Variants in ACSM1 observed in about 807,000 individuals in gnomAD.
ACSM1 encodes acyl-CoA synthetase medium chain family member 1.
ACSM1 carries 79 observed loss-of-function variants against 75.8 expected under a neutral mutation model. The ratio of observed to expected loss-of-function variants is 1.04; its 90% confidence interval spans 0.87 to 1.26. The LOEUF is 1.26. Among genes scored for constraint, ACSM1 ranks in the 50% most tolerant of loss-of-function variants. ACSM1 has a pLI of 0.00. For synonymous variants in ACSM1, 279 were observed against 265.8 expected, an observed-to-expected ratio of 1.05 and a Z score of -0.48; for missense variants, 676 against 720.1, an observed-to-expected ratio of 0.94 and a Z score of 0.70.
At chr16:20,643,274 C>A (rs542101590) in intron 7 of ACSM1, among the ~76,000 whole-genome samples, 35 of 152,312 alleles carry the variant, frequency 2.3e-4, no homozygotes, top group Non-Finnish European at 1.9e-4. Context: ...TGGTATTTAG[C>A]CCCGAATTCT....
chr16:20,637,285 G>A, intron 9 of ACSM1, 86 bp downstream of exon 9: 1 of 1,021,562 alleles, frequency 9.8e-7, no homozygotes, highest in South Asian at 1.3e-5. Flanking sequence ...GAGCAGGGAA[G>A]TGCGGCTGGT....
At position 20,685,295 on chromosome 16, in the gene ACSM1, C is replaced by A; in HGVS notation, c.301G>T (p.Val101Phe). 1 of 1,614,228 alleles carries A rather than the reference C, an allele frequency of 6.2e-7. No individual in the cohort carries two copies. Residue 101 changes from valine to phenylalanine, a missense_variant, in exon 3 of 14, where the codon GTC (valine) becomes TTC (phenylalanine). Physicochemically the swap from Val to Phe is conservative, Grantham distance 50 (BLOSUM62 -1). Coordinates refer to ENST00000520010, the MANE Select transcript of ACSM1 (RefSeq NM_001318890.3). ...MGDLTRRVAN[V>F]FTQTCGLQQG... ...TGTAGGCCACAGGTCTGTGTGAAGA[C>A]GTTGGCTACACGGCGGGTTAGGTCT...
chr16:20,654,976 T>C (rs549223192), intron 7 of ACSM1, among the ~76,000 whole-genome samples: 5 of 152,186 alleles, frequency 3.3e-5, no homozygotes, highest in South Asian at 2.1e-4. Context: ...CTATTCACAA[T>C]AGCAAAGACT....
At chr16:20,670,067 G>T in intron 5 of ACSM1, 81 bp from the exon 6 acceptor site, 1 of 1,390,206 alleles carries the variant, frequency 7.2e-7, no homozygotes, top group Non-Finnish European at 1.0e-6. Flanking sequence ...TTTTAGCTAC[G>T]AACCCACCTT....
chr16:20,661,761 C>G (rs766152268), intron 7 of ACSM1, 33 bp downstream of exon 7: 14 of 1,500,184 alleles, frequency 9.3e-6, no homozygotes, highest in Middle Eastern at 1.7e-4. Flanking sequence ...AAATCTTACC[C>G]AAAGATGTTG....
chr16:20,666,426 G>A (rs2019569582), intron 6 of ACSM1, among the ~76,000 whole-genome samples: 1 of 152,094 alleles, frequency 6.6e-6, no homozygotes, highest in Admixed American at 6.5e-5. Flanking sequence ...CCAAGGAGGT[G>A]AAAGATGGCT....
chr16:20,652,010 T>C (rs2018675218), intron 7 of ACSM1, among the ~76,000 whole-genome samples: 1 of 152,174 alleles, frequency 6.6e-6, no homozygotes, highest in Non-Finnish European at 1.5e-5. Flanking sequence ...TTATGAAATA[T>C]TGTTGGCTTA....
intron 7 of ACSM1, among the ~76,000 whole-genome samples, chr16:20,650,801 A>G (rs968185123): frequency 3.3e-5 from 5 of 152,170 alleles, no homozygotes; most frequent in Admixed American, 6.5e-5. Flanking sequence ...TGGAAGTAAT[A>G]TGGTCTTTGT....
At chr16:20,630,174 C>T (rs1157428541) in intron 10 of ACSM1, among the ~76,000 whole-genome samples, 2 of 149,662 alleles carry the variant, frequency 1.3e-5, no homozygotes, top group Non-Finnish European at 3.0e-5. Context: ...GGCTGGAGTG[C>T]AATGGCACGA....
chr16:20,688,782 G>A (rs2152330868), intron 2 of ACSM1, among the ~76,000 whole-genome samples: 1 of 152,018 alleles, frequency 6.6e-6, no homozygotes, highest in Non-Finnish European at 1.5e-5. Flanking sequence ...AGTCCTCAAG[G>A]TGAAATAAAA....
In ACSM1 at chr16:20,650,281, T is replaced by C. The variant is rs56029229; in HGVS notation, c.993-9697A>G. Among the ~76,000 whole-genome samples the C allele has an allele frequency of 7.9e-3, 1,197 of 152,232 alleles. 7 individuals carry two copies. Among genetic ancestry groups the C allele is most frequent in the African/African-American group, 0.017 (721 of 41,524 alleles). ...TGCATTTGCATGAGGAACTGAAGTG[T>C]CGTTTTCACAGATAAATGAGAGACT... is the stretch of plus-strand genomic sequence containing the variant. On this transcript the variant is annotated intron_variant, in intron 7 of 13. Coordinates refer to ENST00000520010, the MANE Select transcript of ACSM1 (RefSeq NM_001318890.3).
At chr16:20,689,867 G>C (rs1331678045) in intron 2 of ACSM1, among the ~76,000 whole-genome samples, 1 of 152,146 alleles carries the variant, frequency 6.6e-6, no homozygotes, top group Non-Finnish European at 1.5e-5. Context: ...ATAATGGATT[G>C]TGAAATCAGA....
At chr16:20,654,386 C>G (rs1479040490) in intron 7 of ACSM1, among the ~76,000 whole-genome samples, 1 of 152,062 alleles carries the variant, frequency 6.6e-6, no homozygotes, top group Non-Finnish European at 1.5e-5. Flanking sequence ...CAACAAAAAC[C>G]AAAATCGACA....
intron 3 of ACSM1, 119 bp from the exon 4 acceptor site, chr16:20,682,582 A>C: frequency 1.4e-6 from 1 of 703,738 alleles, no homozygotes. Context: ...AGGCCACAGA[A>C]CAACAGCAGC....
chr16:20,651,933 A>G (rs2152238799), intron 7 of ACSM1, among the ~76,000 whole-genome samples: 1 of 152,238 alleles, frequency 6.6e-6, no homozygotes, highest in Non-Finnish European at 1.5e-5. Flanking sequence ...AATACTATAA[A>G]ATTTGCCATA....
At chr16:20,673,011 TTA>T (rs1472995550) in intron 4 of ACSM1, among the ~76,000 whole-genome samples, 5 of 143,626 alleles carry the variant, frequency 3.5e-5, no homozygotes, top group Admixed American at 2.1e-4. Flanking sequence ...AAATATATAC[TTA>T]TATGTCATAT....
chr16:20,697,457 C>T (rs1003205530), intron 1 of ACSM1, among the ~76,000 whole-genome samples, 179 bp downstream of exon 1: 1 of 151,910 alleles, frequency 6.6e-6, no homozygotes, highest in African/African-American at 2.4e-5. Context: ...CCAATATCAC[C>T]ATTGTCATTT....
intron 7 of ACSM1, among the ~76,000 whole-genome samples, chr16:20,658,743 T>C (rs890801395): frequency 6.6e-6 from 1 of 152,178 alleles, no homozygotes; most frequent in Non-Finnish European, 1.5e-5. Context: ...GAGGAACAGG[T>C]GTTTCTTGCA....
In ACSM1 at chr16:20,624,213, C is replaced by T. The variant is rs1310793917; in HGVS notation, c.1530G>A (p.Val510=). 1.2e-6 allele frequency: 2 copies of T among 1,607,626 alleles called. No homozygotes were observed. The highest frequency in any genetic ancestry group is 2.7e-5 in the African/African-American group (2 of 74,792). The change falls in exon 13 of 14, where the codon GTG becomes GTA. Residue 510 remains valine (V), a splice_region_variant and synonymous_variant. Coordinates refer to ENST00000520010, the MANE Select transcript of ACSM1 (RefSeq NM_001318890.3). The stretch of plus-strand genomic sequence containing the variant: ...GGGTCAGGACAATAAAGGCCTTCAC[C>T]ACCTGCAGAATGAAGTCATGGGCTC... The part of the protein sequence containing the change: ...VGSPDPIRGE[V]VKAFIVLTPQ...
Sources: allele counts gnomAD v4.1 joint callset (sites outside exome capture counted in the v4.1 genomes callset), GRCh38; gene constraint gnomAD v4.1.1; transcripts MANE v1.5; gene names NCBI Gene and HGNC (gene_info 2026-07-23, HGNC 2026-07-21).